The following RP1L1 variants were observed in gnomAD, a reference collection of about 807,000 sequenced individuals.
RP1L1 encodes the protein retinitis pigmentosa 1-like 1 protein.
In RP1L1, 27 loss-of-function variants were observed where a neutral mutation model predicts 15.7. The ratio of observed to expected loss-of-function variants is 1.72; its 90% CI spans 1.27 to 2.38. RP1L1 has a LOEUF of 2.38. Ranked by LOEUF, RP1L1 falls within the 30% of genes most tolerant of loss-of-function variation. The pLI is 0.00. For missense variants in RP1L1, 4,798 were observed against 3,075.9 expected (o/e 1.56, Z -13.24); for synonymous variants, 1,813 against 1,276.7 (o/e 1.42, Z -8.96).
At chr8:10,654,083 G>C (rs567727941) in intron 1 of RP1L1, among the ~76,000 whole-genome samples, 1 of 152,284 alleles carries the variant, frequency 6.6e-6, no homozygotes, top group South Asian at 2.1e-4. Context: ...AGCCGCGCTG[G>C]ACCTCGTCTG....
rs758978740 is a variant in RP1L1, at chr8:10,613,084, T to C, written c.1014A>G (p.Leu338=). The change falls in exon 4 of 4, where the codon CTA becomes CTG. Residue 338 remains leucine (L), a synonymous_variant. Transcript: ENST00000382483. ...TGGCCCTGCCCATCCTCCGGGACCA[T>C]AGGAGCGTGTCCTCGCCGACCAGGT... ...RFHLVGEDTL[L]WSRRMGRASA... The C allele has an allele frequency of 4.3e-5, 70 of 1,613,676 alleles. 1 individual carries two copies. The Admixed American group carries it at 7.3e-4, about 17-fold the overall frequency.
Position 10,607,409 on chromosome 8 carries a change from G to A in RP1L1, c.6689C>T (p.Thr2230Ile), listed in dbSNP as rs573617450. 3.5e-4 allele frequency: 561 copies of A among 1,593,662 alleles called. 10 individuals are homozygous for A. In the South Asian group the frequency reaches 4.9e-3, roughly 14 times the overall value. The change falls in exon 4 of 4, where the codon ACC becomes ATC. Residue 2230 changes from threonine (T) to isoleucine (I), a missense_variant. Coordinates refer to ENST00000382483, the MANE Select transcript of RP1L1 (RefSeq NM_178857.6). Reference sequence around the variant, plus strand: ...CTGGGCCTCCCCTTCAGCCTCCGGGGTCTCTACGCCTTCTGGCTCTGGCTG... The same window carrying A: ...CTGGGCCTCCCCTTCAGCCTCCGGGATCTCTACGCCTTCTGGCTCTGGCTG... ...EAQPEPEGVE[T>I]PEAEGEAQPE...
chr8:10,611,408 G>A lies in RP1L1; in HGVS notation c.2690C>T (p.Pro897Leu), dbSNP rs1429105671. ...SPQEGTRQPG[P>L]TPSPGPNSGA... ...TGAATTGGGGCCTGGGGACGGCGTG[G>A]GGCCTGGCTGGCGTGTCCCCTCCTG... The change falls in exon 4 of 4, where the codon CCC (proline) becomes CTC (leucine). Residue 897 changes from proline (P) to leucine (L), a missense_variant. By Grantham distance (98) the Pro-to-Leu change is moderately conservative. Coordinates refer to ENST00000382483, the MANE Select transcript of RP1L1 (RefSeq NM_178857.6). 2 of 1,594,896 alleles carry A rather than the reference G, an allele frequency of 1.3e-6. No individual in the cohort carries two copies. Among genetic ancestry groups the A allele is most frequent in the African/African-American group, 1.3e-5 (1 of 74,722 alleles).
chr8:10,610,952 T>G lies in RP1L1; in HGVS notation c.3146A>C (p.Glu1049Ala). Residue 1049 changes from glutamate (E) to alanine (A), a missense_variant, in exon 4 of 4, where the codon GAG becomes GCG. By Grantham distance (107) the Glu-to-Ala change is moderately radical. Transcript: ENST00000382483. ...CTCTGCAGGGGCCTCGGAAACTCCC[T>G]CTGGAGCTGCCCCTTGGGGGACACC... is the stretch of plus-strand genomic sequence containing the variant. ...GEGVPQGAAP[E>A]GVSEAPAEAG... 1 of 1,611,976 alleles carries G rather than the reference T, an allele frequency of 6.2e-7. No individual in the cohort carries two copies. Among genetic ancestry groups the G allele is most frequent in the Non-Finnish European group, 8.5e-7 (1 of 1,179,700 alleles).
chr8:10,627,585 A>G (rs1485681614), intron 1 of RP1L1, among the ~76,000 whole-genome samples: 1 of 151,900 alleles, frequency 6.6e-6, no homozygotes. Flanking sequence ...ACAGGACTGT[A>G]CACTTACAAA....
chr8:10,654,702 A>T (rs1297337606), intron 1 of RP1L1, among the ~76,000 whole-genome samples, 196 bp downstream of exon 1: 1 of 152,326 alleles, frequency 6.6e-6, no homozygotes, highest in East Asian at 1.9e-4. Flanking sequence ...TTTAAACATG[A>T]TCTGCTCCCA....
At chr8:10,616,709 G>C (rs1333876479) in intron 2 of RP1L1, 122 bp from the exon 3 acceptor site, 2 of 1,163,450 alleles carry the variant, frequency 1.7e-6, no homozygotes, top group East Asian at 2.6e-5. Context: ...TCTCACCCCA[G>C]ACTCCTGGTC....
At chr8:10,635,940 C>A (rs924370371) in intron 1 of RP1L1, among the ~76,000 whole-genome samples, 5 of 152,240 alleles carry the variant, frequency 3.3e-5, no homozygotes, top group Admixed American at 6.5e-5. Flanking sequence ...ACAAAACCAT[C>A]CCCATGGAAG....
intron 1 of RP1L1, among the ~76,000 whole-genome samples, chr8:10,639,403 C>G (rs924416397): frequency 6.6e-6 from 1 of 152,144 alleles, no homozygotes; most frequent in African/African-American, 2.4e-5. Context: ...TATTTAGAGA[C>G]AGGGTCTTGC....
intron 2 of RP1L1, chr8:10,621,453 G>A (rs552673051): frequency 2.5e-5 from 7 of 277,228 alleles, no homozygotes; most frequent in South Asian, 2.0e-4. Flanking sequence ...AGCCTCCCGA[G>A]TAGCTGGGAT....
chr8:10,618,766 A>G (rs1563128998), intron 2 of RP1L1, among the ~76,000 whole-genome samples: 1 of 152,206 alleles, frequency 6.6e-6, no homozygotes, highest in African/African-American at 2.4e-5. Flanking sequence ...AGTGAATGCT[A>G]TGCCCCATAC....
In RP1L1 at chr8:10,612,068, G is replaced by A; in HGVS notation, c.2030C>T (p.Pro677Leu). 1.9e-6 allele frequency: 3 copies of A among 1,613,882 alleles called. No homozygotes were observed. Among genetic ancestry groups the A allele is most frequent in the Non-Finnish European group, 2.5e-6 (3 of 1,180,036 alleles). Residue 677 changes from proline to leucine, a missense_variant, in exon 4 of 4, where the codon CCA becomes CTA. By Grantham distance (98) the Pro-to-Leu change is moderately conservative. Transcript: ENST00000382483. ...HSHYRKDTHS[P>L]LDSSVTKQVP... ...TTGCTTGGTTACAGAGGAGTCCAGTGGGCTGTGGGTGTCCTTGCGGTAGTG... is the reference window on the plus strand; with the variant it reads ...TTGCTTGGTTACAGAGGAGTCCAGTAGGCTGTGGGTGTCCTTGCGGTAGTG...
intron 1 of RP1L1, among the ~76,000 whole-genome samples, chr8:10,646,858 G>T (rs1168008509): frequency 6.6e-6 from 1 of 152,228 alleles, no homozygotes; most frequent in African/African-American, 2.4e-5. Flanking sequence ...AAACAAAGAT[G>T]GGTATTAAAG....
rs1479579643 is a variant in RP1L1, at chr8:10,622,481, G to T, written c.609+112C>A. On this transcript the variant is annotated intron_variant, in intron 2 of 3. Coordinates refer to ENST00000382483, the MANE Select transcript of RP1L1 (RefSeq NM_178857.6). ...CCATGCTGTTCACCTTTAATTAGCA[G>T]CAGGGCAATCAAATGCCTCTTTTTA... 9 of 1,373,968 alleles carry T rather than the reference G, an allele frequency of 6.6e-6. No individual in the cohort carries two copies. The South Asian group carries it at 9.3e-5, about 14-fold the overall frequency. The allele number at this position is 1,373,968 out of a possible 1,614,324, so 85.1% of individuals were successfully genotyped here.
chr8:10,623,359 T>C (rs915158376), intron 1 of RP1L1, 139 bp from the exon 2 acceptor site: 11 of 692,408 alleles, frequency 1.6e-5, no homozygotes, highest in East Asian at 1.1e-4. Context: ...GTGAATCTAT[T>C]TGGATGGAAC....
chr8:10,622,266 G>A (rs1267531669), intron 2 of RP1L1, among the ~76,000 whole-genome samples: 1 of 150,016 alleles, frequency 6.7e-6, no homozygotes, highest in Non-Finnish European at 1.5e-5. Context: ...GTTGCAGTGA[G>A]CCGAGATCAT....
intron 2 of RP1L1, 90 bp from the exon 3 acceptor site, chr8:10,616,677 G>C (rs1202584786): frequency 2.1e-6 from 3 of 1,418,462 alleles, no homozygotes; most frequent in African/African-American, 2.8e-5. Context: ...AGTCTCACCA[G>C]CCCTGTCCTG....
rs13253053 is a variant in RP1L1 at position 10,610,052 on chromosome 8, T to C, written c.4046A>G (p.Gln1349Arg). 2.0e-6 allele frequency: 3 copies of C among 1,465,536 alleles called. No individual in the cohort carries two copies. Among genetic ancestry groups the C allele is most frequent in the East Asian group, 5.8e-5 (2 of 34,268 alleles). 90.8% of individuals were successfully genotyped at this position (1,465,536 alleles called of 1,614,324 possible). The change falls in exon 4 of 4, where the codon CAG (glutamine) becomes CGG (arginine). Residue 1349 changes from glutamine to arginine, a missense_variant. Transcript: ENST00000382483. ...EETKETEGEG[Q>R]QEEEAQLEEI... ...CTCTAACTGCGCCTCTTCTTCTTGC[T>C]GTCCTTCTCCTTCTGTTTCTTTAGT... is the stretch of plus-strand genomic sequence containing the variant.
At position 10,610,576 on chromosome 8, in the gene RP1L1, C is replaced by A; in HGVS notation, c.3522G>T (p.Glu1174Asp). The change falls in exon 4 of 4, where the codon GAG becomes GAT. Residue 1174 changes from glutamate to aspartate, a missense_variant. Physicochemically the swap from Glu to Asp is conservative, Grantham distance 45. Coordinates refer to ENST00000382483, the MANE Select transcript of RP1L1 (RefSeq NM_178857.6). ...GEDQLDSGLW[E>D]LTWSQALPDL... ...CTGGCAGAGCCTGGCTCCATGTGAGCTCCCAGAGGCCTGAGTCCAGCTGGT... is the reference window on the plus strand; with the variant it reads ...CTGGCAGAGCCTGGCTCCATGTGAGATCCCAGAGGCCTGAGTCCAGCTGGT... 6.2e-7 allele frequency: 1 copy of A among 1,613,662 alleles called. No individual in the cohort carries two copies. The highest frequency in any genetic ancestry group is 8.5e-7 in the Non-Finnish European group (1 of 1,180,040).
Sources: gnomAD v4.1 joint callset for allele counts (sites outside exome capture counted in the v4.1 genomes callset) on GRCh38, gnomAD v4.1.1 for gene constraint, MANE v1.5 for transcripts, NCBI Gene and HGNC (gene_info 2026-07-23, HGNC 2026-07-21) for gene names.